CAPS2: variants seen among roughly 807,000 people sequenced by gnomAD.
CAPS2 encodes the protein calcyphosine 2, also known as calcyphosin-2.
CAPS2 carries 98 observed loss-of-function variants against 86.5 expected under a neutral mutation model. That is an observed-to-expected ratio of 1.13 (90% CI 0.96 to 1.34). The LOEUF (loss-of-function observed/expected upper bound fraction) is 1.34, where lower values mean the gene tolerates loss of function less well. Among genes scored for constraint, CAPS2 ranks in the 40% most tolerant of loss-of-function variants. The pLI is 0.00. For missense variants in CAPS2, 729 were observed against 686.8 expected (o/e 1.06, Z -0.69); for synonymous variants, 210 against 225.1 (o/e 0.93, Z 0.60).
chr12:75,331,756 G>A (rs1327559895), upstream of CAPS2, among the ~76,000 whole-genome samples: 1 of 151,776 alleles, frequency 6.6e-6, no homozygotes, highest in Non-Finnish European at 1.5e-5. Flanking sequence ...GTAGAGACAG[G>A]GTTTCACCGT....
chr12:75,301,344 A>G (rs2037790872), intron 8 of CAPS2, among the ~76,000 whole-genome samples: 1 of 152,250 alleles, frequency 6.6e-6, no homozygotes. Flanking sequence ...TGAGCCTGCA[A>G]ACCAAATGAG....
Position 75,337,685 on chromosome 12 carries a change from G to A in CAPS2, c.-394-14463C>T, listed in dbSNP as rs11832565. On this transcript the variant is annotated intron_variant, in intron 1 of 5. Coordinates refer to the CAPS2 transcript ENST00000551829. ...AGATTGGAATTTTTATTTCATATAT[G>A]CGTGCCATGTTATTTATCACATAAA... Among the ~76,000 whole-genome samples, 250 of 152,010 alleles carry A rather than the reference G, an allele frequency of 1.6e-3. 1 individual carries two copies. Among genetic ancestry groups the A allele is most frequent in the African/African-American group, 4.2e-3 (174 of 41,540 alleles).
chr12:75,335,126 G>A (rs942217403), intron 1 of CAPS2, among the ~76,000 whole-genome samples: 1 of 152,122 alleles, frequency 6.6e-6, no homozygotes, highest in African/African-American at 2.4e-5. Flanking sequence ...GGGGAAGGTG[G>A]GGATGCTGGA....
At chr12:75,380,722 A>C (rs2044917575) in intron 1 of CAPS2, among the ~76,000 whole-genome samples, 1 of 152,126 alleles carries the variant, frequency 6.6e-6, no homozygotes, top group African/African-American at 2.4e-5. Flanking sequence ...AGTGCCTTAC[A>C]TCTAATAACT....
intron 7 of CAPS2, among the ~76,000 whole-genome samples, chr12:75,306,839 C>T (rs1451034273): frequency 6.6e-6 from 1 of 152,032 alleles, no homozygotes; most frequent in East Asian, 1.9e-4. Flanking sequence ...GAACTGGCCT[C>T]AATGTGGGCA....
At chr12:75,300,759 T>G (rs7484576) in intron 8 of CAPS2, among the ~76,000 whole-genome samples, 85,202 of 151,286 alleles carry the variant, frequency 0.56, 24,553 homozygotes, top group South Asian at 0.76. Context: ...ATGAGATCAA[T>G]CCACCACATC....
intron 1 of CAPS2, among the ~76,000 whole-genome samples, chr12:75,382,319 A>C (rs918713869): frequency 3.3e-5 from 5 of 152,240 alleles, no homozygotes; most frequent in African/African-American, 1.2e-4. Flanking sequence ...CAAAAAGCAT[A>C]TGGAATTAGA....
chr12:75,284,129 C>G (rs375378140), intron 15 of CAPS2, among the ~76,000 whole-genome samples: 117 of 152,226 alleles, frequency 7.7e-4, no homozygotes, highest in Middle Eastern at 3.4e-3. Flanking sequence ...ATTTCTACAC[C>G]AGTTTCTCAA....
chr12:75,378,599 T>C (rs571263716), intron 1 of CAPS2, among the ~76,000 whole-genome samples: 170 of 152,326 alleles, frequency 1.1e-3, no homozygotes, highest in African/African-American at 4.0e-3. Context: ...AGGCAAAATG[T>C]TTATGTTGCA....
At chr12:75,386,157 A>G (rs973433082) in intron 1 of CAPS2, among the ~76,000 whole-genome samples, 5 of 152,172 alleles carry the variant, frequency 3.3e-5, no homozygotes, top group African/African-American at 4.8e-5. Flanking sequence ...TGACAAAATT[A>G]TTCTAAAGTT....
intron 16 of CAPS2, among the ~76,000 whole-genome samples, chr12:75,280,641 T>C (rs2033773996): frequency 6.6e-6 from 1 of 151,836 alleles, no homozygotes; most frequent in South Asian, 2.1e-4. Context: ...TAATGACGTG[T>C]TTAAAGGAAA....
chr12:75,296,865 T>A (rs1414722934), intron 11 of CAPS2, among the ~76,000 whole-genome samples: 1 of 151,724 alleles, frequency 6.6e-6, no homozygotes, highest in Non-Finnish European at 1.5e-5. Context: ...TGGAGAAGAG[T>A]GCTTTTACTA....
chr12:75,278,989 C>T (rs2033390526), exon 17 of CAPS2: 1 of 1,610,802 alleles, frequency 6.2e-7, no homozygotes, highest in Non-Finnish European at 8.5e-7. Flanking sequence ...CACCATATGA[C>T]ACTTCATCAG....
chr12:75,335,714 G>A (rs2041686483), intron 1 of CAPS2, among the ~76,000 whole-genome samples: 1 of 151,972 alleles, frequency 6.6e-6, no homozygotes, highest in South Asian at 2.1e-4. Context: ...TATTTTGATG[G>A]AGAAAGATTC....
At chr12:75,337,637 C>T (rs147652022) in intron 1 of CAPS2, among the ~76,000 whole-genome samples, 16 of 151,930 alleles carry the variant, frequency 1.1e-4, no homozygotes, top group East Asian at 3.9e-4. Context: ...CATATGTATA[C>T]GTCAGTGAAA....
chr12:75,340,187 T>C (rs1178199418), intron 1 of CAPS2, among the ~76,000 whole-genome samples: 1 of 150,714 alleles, frequency 6.6e-6, no homozygotes, highest in Non-Finnish European at 1.5e-5. Flanking sequence ...CCACATTTTC[T>C]TTATTAACTT....
At chr12:75,295,146 A>G (rs1479047773) in intron 11 of CAPS2, 1 of 152,194 alleles carries the variant, frequency 6.6e-6, no homozygotes, top group African/African-American at 2.4e-5. Flanking sequence ...GAAAAAGAAA[A>G]ACAACAACAA....
intron 1 of CAPS2, among the ~76,000 whole-genome samples, chr12:75,367,703 A>G (rs1181302864): frequency 6.6e-6 from 1 of 151,984 alleles, no homozygotes; most frequent in East Asian, 1.9e-4. Context: ...CAGTTTATTG[A>G]TTTTCTTGGA....
intron 15 of CAPS2, among the ~76,000 whole-genome samples, chr12:75,283,938 C>A (rs1593199074): frequency 1.3e-5 from 2 of 152,180 alleles, no homozygotes; most frequent in Non-Finnish European, 2.9e-5. Context: ...ACCAAACCTG[C>A]TGACACCTTG....
Sources: allele counts gnomAD v4.1 joint callset (sites outside exome capture counted in the v4.1 genomes callset), GRCh38; gene constraint gnomAD v4.1.1; transcripts MANE v1.5; gene names NCBI Gene and HGNC (gene_info 2026-07-23, HGNC 2026-07-21).